The following NDUFS1 variants were observed in gnomAD, a reference collection of about 807,000 sequenced individuals.
NDUFS1 encodes NADH:ubiquinone oxidoreductase core subunit S1.
NDUFS1 carries 61 observed loss-of-function variants against 84.4 expected under a neutral mutation model. That is an observed-to-expected ratio of 0.72 (90% CI 0.59 to 0.89). The LOEUF (loss-of-function observed/expected upper bound fraction) is 0.89. Ranked by LOEUF, NDUFS1 falls within the 40% of genes least tolerant of loss-of-function variation. NDUFS1 has a pLI of 0.00. For synonymous variants in NDUFS1, 275 were observed against 290.0 expected (o/e 0.95, Z 0.53); for missense variants, 891 against 890.0 (o/e 1.00, Z -0.01).
In NDUFS1 at chr2:206,115,845, CCATGGATAATTT is replaced by C. The variant is rs202130341; in HGVS notation, c.*8328_*8339del. ...ATGTAATTTTTGTAACTAATTTTTA[CCATGGATAATTT>C]CATGGATAATTTCATGAATACTAGA... On this transcript the variant is annotated 3_prime_UTR_variant, in exon 19 of 19. Transcript: ENST00000233190. 0.017 allele frequency: 8,033 copies of C among 471,796 alleles called. 269 individuals carry two copies. Among genetic ancestry groups the C allele is most frequent in the African/African-American group, 0.086 (4,401 of 51,008 alleles). 29.2% of individuals were successfully genotyped at this position (471,796 alleles called of 1,614,324 possible).
Position 206,149,080 on chromosome 2 carries a change from G to A in NDUFS1, c.278C>T (p.Ala93Val). ...EKAPKVVAAC[A>V]MPVMKGWNIL... is the part of the protein sequence containing the mutation. ...ATTCCAACCCTTCATTACTGGCATG[G>A]CACAAGCAGCTACAACCTGGGATTT... Residue 93 changes from alanine (A) to valine (V), a missense_variant, in exon 5 of 19, where the codon GCC (alanine) becomes GTC (valine). Coordinates refer to ENST00000233190, the MANE Select transcript of NDUFS1 (RefSeq NM_005006.7). 1.2e-6 allele frequency: 2 copies of A among 1,612,064 alleles called. No homozygotes were observed. The highest frequency in any genetic ancestry group is 8.5e-7 in the Non-Finnish European group (1 of 1,179,192).
chr2:206,132,938 A>C lies in NDUFS1; in HGVS notation c.1553+7T>G. 6.2e-7 allele frequency: 1 copy of C among 1,611,760 alleles called. No individual in the cohort carries two copies. On this transcript the variant is annotated splice_region_variant and intron_variant, in intron 14 of 18. Transcript: ENST00000233190. Reference sequence around the variant, plus strand: ...TTTATAGTATATAAAGCAATTACTCAACAAACCTATGAAGGATATTCATAA... The same window carrying C: ...TTTATAGTATATAAAGCAATTACTCCACAAACCTATGAAGGATATTCATAA...
intron 2 of NDUFS1, 64 bp downstream of exon 2, chr2:206,153,554 A>T: frequency 1.0e-6 from 1 of 985,618 alleles, no homozygotes; most frequent in Non-Finnish European, 1.6e-6. Context: ...ACTATGCCAT[A>T]GACTTATAAA....
intron 5 of NDUFS1, among the ~76,000 whole-genome samples, chr2:206,148,303 A>G (rs1048910186): frequency 1.3e-5 from 2 of 152,144 alleles, no homozygotes; most frequent in African/African-American, 4.8e-5. Context: ...TTAATATCAG[A>G]AATGCCAATT....
chr2:206,132,705 T>C (rs186641295), intron 14 of NDUFS1, among the ~76,000 whole-genome samples: 1 of 152,308 alleles, frequency 6.6e-6, no homozygotes, highest in East Asian at 1.9e-4. Flanking sequence ...GTAACTAATA[T>C]AACAATTTTT....
At chr2:206,129,987 C>T in intron 15 of NDUFS1, 101 bp downstream of exon 15, 13 of 1,480,558 alleles carry the variant, frequency 8.8e-6, no homozygotes, top group Non-Finnish European at 1.1e-5. Flanking sequence ...GCAAAATTCT[C>T]AAATGGAAAA....
Position 206,118,757 on chromosome 2 carries a change from G to A in NDUFS1, c.*5428C>T, listed in dbSNP as rs1691018915. 1 of 151,788 alleles carries A rather than the reference G, an allele frequency of 6.6e-6. No individual in the cohort carries two copies. 9.4% of individuals were successfully genotyped at this position (151,788 alleles called of 1,614,324 possible). A position where few individuals can be genotyped will look rare whatever the true frequency, so the allele number is the denominator to read the frequency against. On this transcript the variant is annotated 3_prime_UTR_variant, in exon 19 of 19. Coordinates refer to ENST00000233190, the MANE Select transcript of NDUFS1 (RefSeq NM_005006.7). ...ACCTGAGGTCAGGGGTTCAAGACCAGCCTGACCAATATGGTGAAACCTCAT... is the reference window on the plus strand; with the variant it reads ...ACCTGAGGTCAGGGGTTCAAGACCAACCTGACCAATATGGTGAAACCTCAT...
At chr2:206,134,988 A>G (rs1691654636) in intron 13 of NDUFS1, among the ~76,000 whole-genome samples, 1 of 152,110 alleles carries the variant, frequency 6.6e-6, no homozygotes, top group Non-Finnish European at 1.5e-5. Flanking sequence ...ACATATATAG[A>G]AAAGAAGATT....
chr2:206,152,988 G>C (rs183188802), intron 2 of NDUFS1, among the ~76,000 whole-genome samples: 1 of 152,132 alleles, frequency 6.6e-6, no homozygotes, highest in Non-Finnish European at 1.5e-5. Flanking sequence ...ACAGGAGTGA[G>C]CCACCATACC....
chr2:206,159,227 C>T, intron 1 of NDUFS1, 114 bp downstream of exon 1: 1 of 1,321,972 alleles, frequency 7.6e-7, no homozygotes, highest in Non-Finnish European at 1.0e-6. Context: ...CGGGAGGCGG[C>T]GCCCAGTCAA....
chr2:206,144,088 A>T lies in NDUFS1; in HGVS notation c.917T>A (p.Met306Lys). ...TAAAAGCCCTTTTTCATTTCTGACC[A>T]TTGGCTCGGTAAGTCTTTGACGTTT... Reference protein sequence around the residue: ...GLKRQRLTEPMVRNEKGLLTY... With the variant: ...GLKRQRLTEPKVRNEKGLLTY... The change falls in exon 10 of 19, where the codon ATG becomes AAG. Residue 306 changes from methionine to lysine, a missense_variant. Met to Lys is a moderately conservative substitution (Grantham distance 95). Coordinates refer to ENST00000233190, the MANE Select transcript of NDUFS1 (RefSeq NM_005006.7). The T allele has an allele frequency of 1.2e-6, 2 of 1,614,132 alleles. No homozygotes were observed. Among genetic ancestry groups the T allele is most frequent in the South Asian group, 2.2e-5 (2 of 91,086 alleles).
At chr2:206,130,609 C>T (rs762735511) in intron 14 of NDUFS1, among the ~76,000 whole-genome samples, 1 of 152,146 alleles carries the variant, frequency 6.6e-6, no homozygotes, top group Non-Finnish European at 1.5e-5. Flanking sequence ...CCTGTCTTGG[C>T]CTCCCAAAGT....
Position 206,130,130 on chromosome 2 carries a change from T to G in NDUFS1, c.1666A>C (p.Thr556Pro), listed in dbSNP as rs377385575. 8 of 1,614,230 alleles carry G rather than the reference T, an allele frequency of 5.0e-6. No homozygotes were observed. Among genetic ancestry groups the G allele is most frequent in the Non-Finnish European group, 6.8e-6 (8 of 1,180,040 alleles). ...FLLGADGGCITRQDLPKDCFI... is the reference protein window; with the variant it reads ...FLLGADGGCIPRQDLPKDCFI... ...CAATCCTTTGGCAAATCCTGTCGTGTGATACAACCTCCATCTGCTCCCAGG... is the reference window on the plus strand; with the variant it reads ...CAATCCTTTGGCAAATCCTGTCGTGGGATACAACCTCCATCTGCTCCCAGG... The change falls in exon 15 of 19, where the codon ACA (threonine) becomes CCA (proline). Residue 556 changes from threonine (T) to proline (P), a missense_variant. By Grantham distance (38) the Thr-to-Pro change is conservative. Coordinates refer to ENST00000233190, the MANE Select transcript of NDUFS1 (RefSeq NM_005006.7).
At chr2:206,140,635 C>T (rs565180701) in intron 12 of NDUFS1, among the ~76,000 whole-genome samples, 2 of 151,994 alleles carry the variant, frequency 1.3e-5, no homozygotes, top group African/African-American at 4.8e-5. Context: ...CATGCGCCAC[C>T]ATGCCCGGCT....
At chr2:206,146,617 G>A (rs1026729850) in intron 8 of NDUFS1, among the ~76,000 whole-genome samples, 1 of 152,150 alleles carries the variant, frequency 6.6e-6, no homozygotes, top group Non-Finnish European at 1.5e-5. Flanking sequence ...CAACATGGGA[G>A]ACTATACATT....
chr2:206,152,263 G>C (rs979486702), intron 3 of NDUFS1, among the ~76,000 whole-genome samples, 156 bp downstream of exon 3: 1 of 152,172 alleles, frequency 6.6e-6, no homozygotes, highest in Non-Finnish European at 1.5e-5. Flanking sequence ...AGCTCACTTT[G>C]AAGTGCCAAG....
Position 206,122,641 on chromosome 2 carries a change from A to AAAAAAAAAAAC in NDUFS1, c.*1543_*1544insGTTTTTTTTTT, listed in dbSNP as rs1278512333. 2.0e-5 allele frequency: 3 copies of AAAAAAAAAAAC among 151,534 alleles called. No homozygotes were observed. Among genetic ancestry groups the AAAAAAAAAAAC allele is most frequent in the South Asian group, 2.1e-4 (1 of 4,820 alleles). 9.4% of individuals were successfully genotyped at this position (151,534 alleles called of 1,614,324 possible). A position where few individuals can be genotyped will look rare whatever the true frequency, so the allele number is the denominator to read the frequency against. ...TAAGACTCCATCTCAAAAAAAAAAAAAAAACAAAGGGAAAAAGGGCATCCT... is the reference window on the plus strand; with the variant it reads ...TAAGACTCCATCTCAAAAAAAAAAAAAAAAAAAAAACAAAACAAAGGGAAAAAGGGCATCCT... On this transcript the variant is annotated 3_prime_UTR_variant, in exon 19 of 19. Coordinates refer to ENST00000233190, the MANE Select transcript of NDUFS1 (RefSeq NM_005006.7).
At chr2:206,133,529 G>A (rs1691594221) in intron 13 of NDUFS1, among the ~76,000 whole-genome samples, 2 of 152,104 alleles carry the variant, frequency 1.3e-5, no homozygotes, top group Admixed American at 1.3e-4. Context: ...GGGAGGAGGA[G>A]GCAGGGAAAG....
intron 1 of NDUFS1, 159 bp downstream of exon 1, chr2:206,159,182 T>C: frequency 6.5e-7 from 1 of 1,532,822 alleles, no homozygotes; most frequent in Non-Finnish European, 8.7e-7. Context: ...AAGCCCCCCA[T>C]CTGCCGGCTC....
Sources: allele counts gnomAD v4.1 joint callset (sites outside exome capture counted in the v4.1 genomes callset), GRCh38; gene constraint gnomAD v4.1.1; transcripts MANE v1.5; gene names NCBI Gene and HGNC (gene_info 2026-07-23, HGNC 2026-07-21).